Variants in CMSS1 observed in about 807,000 individuals in gnomAD.
The protein encoded by CMSS1 is cms1 ribosomal small subunit homolog.
Under a neutral mutation model 43.5 loss-of-function variants are expected in CMSS1, and 33 were observed. The observed-to-expected ratio is 0.76, with a 90% confidence interval of 0.57 to 1.01. The LOEUF (loss-of-function observed/expected upper bound fraction) is 1.01, where lower values mean the gene tolerates loss of function less well. CMSS1 is among the 50% of genes least tolerant of loss of function. CMSS1 has a pLI of 0.00. For missense variants in CMSS1, 313 were observed against 326.4 expected, an observed-to-expected ratio of 0.96 and a Z score of 0.32; for synonymous variants, 115 against 117.2, an observed-to-expected ratio of 0.98 and a Z score of 0.12.
chr3:100,092,461 T>C (rs573115144), intron 1 of CMSS1, among the ~76,000 whole-genome samples: 3 of 152,090 alleles, frequency 2.0e-5, no homozygotes, highest in East Asian at 3.9e-4. Flanking sequence ...ATGAATGTAG[T>C]TGGATTCTCA....
chr3:99,944,384 G>A (rs1707944351), intron 1 of CMSS1, among the ~76,000 whole-genome samples: 1 of 152,152 alleles, frequency 6.6e-6, no homozygotes, highest in African/African-American at 2.4e-5. Flanking sequence ...AGATGACAAA[G>A]GCTGCTGATT....
intron 1 of CMSS1, among the ~76,000 whole-genome samples, chr3:100,014,049 G>T (rs977419706): frequency 6.6e-6 from 1 of 151,760 alleles, no homozygotes; most frequent in South Asian, 2.1e-4. Flanking sequence ...TTAAGATTCC[G>T]CATGTAAGTG....
intron 1 of CMSS1, among the ~76,000 whole-genome samples, chr3:100,007,396 G>A (rs1216856019): frequency 6.6e-6 from 1 of 152,150 alleles, no homozygotes; most frequent in Non-Finnish European, 1.5e-5. Context: ...GCTCGCTAAT[G>A]CATTTTGTGT....
intron 1 of CMSS1, among the ~76,000 whole-genome samples, chr3:99,910,615 C>G (rs1221253591): frequency 7.4e-6 from 1 of 135,726 alleles, no homozygotes; most frequent in African/African-American, 2.5e-5. Context: ...AGCCCTTAGG[C>G]TGAAAAAAAG....
intron 1 of CMSS1, among the ~76,000 whole-genome samples, chr3:99,886,309 G>A (rs951525464): frequency 7.0e-5 from 9 of 129,454 alleles, no homozygotes; most frequent in Non-Finnish European, 1.0e-4. Flanking sequence ...GGGAATGAGT[G>A]TAAAGCAGGG....
At position 99,858,769 on chromosome 3, in the gene CMSS1, T is replaced by C. The variant is rs117493374; in HGVS notation, c.64+40726T>C. Among the ~76,000 whole-genome samples the C allele has an allele frequency of 2.6e-4, 40 of 152,310 alleles. 1 individual carries two copies. In the East Asian group the frequency reaches 7.5e-3, roughly 29 times the overall value. Reference sequence around the variant, plus strand: ...AAGGTTGTGTTATTATGAAGATATCTTCTTCACTCTCAAAGGGGGCCACAC... The same window carrying C: ...AAGGTTGTGTTATTATGAAGATATCCTCTTCACTCTCAAAGGGGGCCACAC... On this transcript the variant is annotated intron_variant, in intron 1 of 9. Transcript: ENST00000421999.
At chr3:100,099,198 G>A (rs1428515305) in intron 1 of CMSS1, among the ~76,000 whole-genome samples, 2 of 152,116 alleles carry the variant, frequency 1.3e-5, no homozygotes, top group Non-Finnish European at 2.9e-5. Context: ...TTTTGAAATT[G>A]ACTTAATGTA....
intron 1 of CMSS1, among the ~76,000 whole-genome samples, chr3:99,949,511 A>T (rs116124152): frequency 0.011 from 1,710 of 152,290 alleles, 18 homozygotes; most frequent in African/African-American, 0.025. Flanking sequence ...AGGCAATTTT[A>T]CTCGCAGTAC....
At chr3:99,824,357 T>C (rs1227477677) in intron 1 of CMSS1, among the ~76,000 whole-genome samples, 1 of 152,240 alleles carries the variant, frequency 6.6e-6, no homozygotes, top group Non-Finnish European at 1.5e-5. Context: ...TATTATGTTA[T>C]TATAATTCTC....
chr3:100,145,820 AAATT>A (rs1395464559), intron 1 of CMSS1, among the ~76,000 whole-genome samples: 1 of 152,242 alleles, frequency 6.6e-6, no homozygotes, highest in African/African-American at 2.4e-5. Context: ...CACATTATGG[AAATT>A]AATCTGTTCT....
intron 1 of CMSS1, among the ~76,000 whole-genome samples, chr3:99,971,527 A>G (rs759989228): frequency 6.6e-6 from 1 of 152,172 alleles, no homozygotes; most frequent in Non-Finnish European, 1.5e-5. Context: ...TGCAGATGAA[A>G]ATATGTTAGT....
At chr3:99,924,190 G>C (rs760015207) in intron 1 of CMSS1, 2 of 1,567,940 alleles carry the variant, frequency 1.3e-6, no homozygotes, top group East Asian at 4.5e-5. Flanking sequence ...CCAGCTCATA[G>C]ATTGCAGAAT....
intron 1 of CMSS1, among the ~76,000 whole-genome samples, chr3:99,950,743 T>G (rs1427071314): frequency 6.6e-6 from 1 of 152,220 alleles, no homozygotes; most frequent in Non-Finnish European, 1.5e-5. Context: ...GTTAAATTCT[T>G]TGTTATGTTT....
rs1336550912 is a variant in CMSS1, at chr3:99,968,512, T to C, written c.64+150469T>C. Among the ~76,000 whole-genome samples the C allele has an allele frequency of 2.0e-5, 3 of 151,454 alleles. No homozygotes were observed. The East Asian group carries it at 5.8e-4, about 29-fold the overall frequency. ...CCAGGTAAATAAACATGGAAGGTGA[T>C]GGGAGGTAATCTGGGCTGGAAATAC... On this transcript the variant is annotated intron_variant, in intron 1 of 9. Coordinates refer to ENST00000421999, the MANE Select transcript of CMSS1 (RefSeq NM_032359.4).
At chr3:100,084,070 C>T (rs190465999) in intron 1 of CMSS1, among the ~76,000 whole-genome samples, 25 of 152,036 alleles carry the variant, frequency 1.6e-4, no homozygotes, top group East Asian at 9.6e-4. Flanking sequence ...TTTCTGCTAC[C>T]CCCATGCCAG....
intron 1 of CMSS1, among the ~76,000 whole-genome samples, chr3:99,915,840 CT>C (rs997966542): frequency 2.6e-5 from 4 of 152,188 alleles, no homozygotes; most frequent in Non-Finnish European, 5.9e-5. Context: ...TCTGTCTCCC[CT>C]ATACTAAACA....
chr3:99,825,322 T>C (rs933150965), intron 1 of CMSS1, among the ~76,000 whole-genome samples: 1 of 152,110 alleles, frequency 6.6e-6, no homozygotes, highest in Admixed American at 6.5e-5. Flanking sequence ...TGTGGTTCAG[T>C]CAAAATGCAA....
At chr3:100,030,199 A>G (rs2065000427) in intron 1 of CMSS1, among the ~76,000 whole-genome samples, 1 of 152,154 alleles carries the variant, frequency 6.6e-6, no homozygotes, top group South Asian at 2.1e-4. Context: ...TTCTAGTTTA[A>G]TATTATTTTC....
chr3:100,141,288 G>A (rs140900088), intron 1 of CMSS1, among the ~76,000 whole-genome samples: 6 of 152,334 alleles, frequency 3.9e-5, no homozygotes, highest in Admixed American at 3.9e-4. Flanking sequence ...ATAGACAAAA[G>A]TGATTGCAAA....
Sources: gnomAD v4.1 joint callset for allele counts (sites outside exome capture counted in the v4.1 genomes callset) on GRCh38, gnomAD v4.1.1 for gene constraint, MANE v1.5 for transcripts, NCBI Gene and HGNC (gene_info 2026-07-23, HGNC 2026-07-21) for gene names.